The following MMS19 variants were observed in gnomAD, a reference collection of about 807,000 sequenced individuals.
MMS19 encodes MMS19 cytosolic iron-sulfur assembly component, also known as MMS19 nucleotide excision repair protein homolog.
In MMS19, 77 loss-of-function variants were observed where a neutral mutation model predicts 129.8. The observed-to-expected ratio is 0.59, with a 90% confidence interval of 0.49 to 0.72. The LOEUF is 0.72. Among genes scored for constraint, MMS19 ranks in the 30% least tolerant of loss-of-function variants. The pLI, the probability that MMS19 is intolerant of heterozygous loss-of-function variation, is 0.00. For synonymous variants in MMS19, 491 were observed against 502.8 expected, an observed-to-expected ratio of 0.98 and a Z score of 0.31; for missense variants, 1,168 against 1,266.3, an observed-to-expected ratio of 0.92 and a Z score of 1.18.
intron 16 of MMS19, 67 bp downstream of exon 16, chr10:97,466,437 T>C: frequency 7.8e-7 from 1 of 1,285,696 alleles, no homozygotes; most frequent in African/African-American, 1.5e-5. Flanking sequence ...TGGTCCTAGC[T>C]TGATCTTTTG....
rs1358791789 is a variant in MMS19 at position 97,470,235 on chromosome 10, G to A, written c.772-32C>T. ...GACAGAAGGAAGATCTTAAGCCTGAGATGGGTGGTGTGTCAGTCACATCAA... is the reference window on the plus strand; with the variant it reads ...GACAGAAGGAAGATCTTAAGCCTGAAATGGGTGGTGTGTCAGTCACATCAA... On this transcript the variant is annotated intron_variant, in intron 9 of 30. Transcript: ENST00000438925. 6 of 1,490,572 alleles carry A rather than the reference G, an allele frequency of 4.0e-6. No homozygotes were observed. The South Asian group carries it at 4.7e-5, about 12-fold the overall frequency. The allele number at this position is 1,490,572 out of a possible 1,614,324, so 92.3% of individuals were successfully genotyped here.
At chr10:97,479,675 AT>A (rs2036403914) in intron 3 of MMS19, among the ~76,000 whole-genome samples, 1 of 152,080 alleles carries the variant, frequency 6.6e-6, no homozygotes, top group African/African-American at 2.4e-5. Context: ...ATCTAATATC[AT>A]ATGTCTTGTG....
rs1185902250 is a variant in MMS19 at position 97,467,601 on chromosome 10, G to A, written c.1219-18C>T. 1 of 1,610,474 alleles carries A rather than the reference G, an allele frequency of 6.2e-7. No individual in the cohort carries two copies. On this transcript the variant is annotated intron_variant, in intron 13 of 30. Transcript: ENST00000438925. ...TGGCTGCTCTGTAACGTTTCAAGGG[G>A]TACTAGAGTCAAAGAATATTTTAAA...
At chr10:97,461,972 C>T (rs778190832) in intron 21 of MMS19, 45 bp downstream of exon 21, 1 of 1,561,184 alleles carries the variant, frequency 6.4e-7, no homozygotes, top group South Asian at 1.2e-5. Flanking sequence ...CAGATTAGCC[C>T]TAAAAAAAAA....
intron 1 of MMS19, among the ~76,000 whole-genome samples, chr10:97,494,321 T>G (rs1056688668): frequency 5.3e-5 from 8 of 152,202 alleles, no homozygotes; most frequent in African/African-American, 1.9e-4. Context: ...AGTATTCATG[T>G]GATCATTGAC....
chr10:97,477,226 T>C, intron 6 of MMS19, 121 bp downstream of exon 6: 1 of 1,550,060 alleles, frequency 6.5e-7, no homozygotes, highest in Non-Finnish European at 8.7e-7. Flanking sequence ...TCTTTCCCTT[T>C]ATCATTCTCT....
chr10:97,477,832 C>T, intron 5 of MMS19, 23 bp downstream of exon 5: 6 of 1,555,082 alleles, frequency 3.9e-6, no homozygotes, highest in South Asian at 1.2e-5. Context: ...GAGGAGAATA[C>T]CAACATGACT....
Position 97,470,197 on chromosome 10 carries a change from G to A in MMS19, c.778C>T (p.Leu260=), listed in dbSNP as rs377682706. The change falls in exon 10 of 31, where the codon CTG becomes TTG. Residue 260 remains leucine (L), a synonymous_variant. Coordinates refer to ENST00000438925, the MANE Select transcript of MMS19 (RefSeq NM_022362.5). ...TCCACTTTCTCAATCAACAGGGGCA[G>A]CAGAAACTGTGGGACAGAAGGAAGA... ...ASTPRFAEFL[L]PLLIEKVDSE... The A allele has an allele frequency of 2.5e-6, 4 of 1,605,036 alleles. No homozygotes were observed. The highest frequency in any genetic ancestry group is 2.6e-6 in the Non-Finnish European group (3 of 1,175,318).
chr10:97,496,412 G>A (rs548786742), intron 1 of MMS19, among the ~76,000 whole-genome samples: 1 of 151,418 alleles, frequency 6.6e-6, no homozygotes, highest in Non-Finnish European at 1.5e-5. Flanking sequence ...ACTTCGGGAG[G>A]CTTGAGGCAG....
chr10:97,488,547 T>G (rs998089797), intron 1 of MMS19, among the ~76,000 whole-genome samples: 4 of 152,176 alleles, frequency 2.6e-5, no homozygotes, highest in Non-Finnish European at 5.9e-5. Context: ...ATGGTAAGAG[T>G]ATTTGCATAC....
Position 97,466,823 on chromosome 10 carries a change from A to C in MMS19, c.1376T>G (p.Leu459Arg), listed in dbSNP as rs747948023. 1.2e-5 allele frequency: 20 copies of C among 1,613,916 alleles called. No individual in the cohort carries two copies. The highest frequency in any genetic ancestry group is 1.7e-5 in the Non-Finnish European group (20 of 1,179,904). Residue 459 changes from leucine (L) to arginine (R), a missense_variant, in exon 15 of 31, where the codon CTT becomes CGT. Physicochemically the swap from Leu to Arg is moderately radical, Grantham distance 102. Transcript: ENST00000438925. ...CAGTGTACGGATGCCAACAAGCTGA[A>C]GCTGGGTGCTGGGGTCTGTTAGAGC... ...FMALTDPSTQ[L>R]QLVGIRTLTV...
chr10:97,460,016 TA>T (rs1564614059), intron 26 of MMS19, 29 bp downstream of exon 26: 2 of 1,607,566 alleles, frequency 1.2e-6, no homozygotes, highest in Admixed American at 3.3e-5. Flanking sequence ...GAGATGTGTA[TA>T]TGTGGGGACC....
At chr10:97,462,480 A>G in intron 20 of MMS19, 103 bp downstream of exon 20, 1 of 786,886 alleles carries the variant, frequency 1.3e-6, no homozygotes, top group Non-Finnish European at 2.2e-6. Flanking sequence ...CACCACATTT[A>G]CATATAGGTA....
chr10:97,480,400 G>A (rs1416636910), intron 3 of MMS19: 2 of 435,440 alleles, frequency 4.6e-6, no homozygotes, highest in Non-Finnish European at 9.1e-6. Flanking sequence ...AAAAAACCAG[G>A]CTATAGTTTG....
At position 97,462,053 on chromosome 10, in the gene MMS19, A is replaced by G. The variant is rs761769103; in HGVS notation, c.2079T>C (p.Pro693=). 9 of 1,593,520 alleles carry G rather than the reference A, an allele frequency of 5.6e-6. No homozygotes were observed. In the Admixed American group the frequency reaches 8.8e-5, roughly 16 times the overall value. ...GGAATCTGCTCGGGAAGCTGTTTTC[A>G]GGCAGAAAGGACACGTTGCCATCCA... ...LFLDGNVSFL[P]ENSFPSRFQP... Residue 693 remains proline, a synonymous_variant, in exon 21 of 31, where the codon CCT becomes CCC. Transcript: ENST00000438925.
intron 19 of MMS19, among the ~76,000 whole-genome samples, chr10:97,463,170 T>G (rs1443807456): frequency 6.6e-6 from 1 of 151,236 alleles, no homozygotes; most frequent in East Asian, 1.9e-4. Flanking sequence ...ACAGTTTTTT[T>G]TTTTTTTTTT....
At position 97,466,697 on chromosome 10, in the gene MMS19, T is replaced by A. The variant is rs1052285515; in HGVS notation, c.1423+79A>T. On this transcript the variant is annotated intron_variant, in intron 15 of 30. Coordinates refer to ENST00000438925, the MANE Select transcript of MMS19 (RefSeq NM_022362.5). ...ATCCAGAGTTGCAGTAAGAAGAGGA[T>A]AGTAAGGCTGCTTTTCACCAAGGCA... is the stretch of plus-strand genomic sequence containing the variant. 9.4e-6 allele frequency: 15 copies of A among 1,602,986 alleles called. No individual in the cohort carries two copies. The African/African-American group carries it at 1.7e-4, about 19-fold the overall frequency.
chr10:97,462,975 TTGTCCCTGG>T (rs889999672), intron 19 of MMS19: 6 of 337,000 alleles, frequency 1.8e-5, no homozygotes, highest in Admixed American at 9.0e-5. Context: ...AATAGAAATG[TTGTCCCTGG>T]TGTCCCTGGA....
At chr10:97,469,135 G>A (rs769950341) in intron 11 of MMS19, 31 bp from the exon 12 acceptor site, 1 of 1,553,158 alleles carries the variant, frequency 6.4e-7, no homozygotes, top group Admixed American at 1.9e-5. Flanking sequence ...GGCTACTGAG[G>A]TGAGCCTGCA....
Sources: allele counts gnomAD v4.1 joint callset (sites outside exome capture counted in the v4.1 genomes callset), GRCh38; gene constraint gnomAD v4.1.1; transcripts MANE v1.5; gene names NCBI Gene and HGNC (gene_info 2026-07-23, HGNC 2026-07-21).